NOXRED1: variants seen among roughly 807,000 people sequenced by gnomAD.
NOXRED1 encodes the protein NADP-dependent oxidoreductase domain-containing protein 1.
Under a neutral mutation model 30.4 loss-of-function variants are expected in NOXRED1, and 20 were observed. The observed-to-expected ratio is 0.66, with a 90% CI of 0.46 to 0.96. The LOEUF (loss-of-function observed/expected upper bound fraction) is 0.96, where lower values mean the gene tolerates loss of function less well. Ranked by LOEUF, NOXRED1 falls within the 40% of genes least tolerant of loss-of-function variation. NOXRED1 has a pLI of 0.00. For synonymous variants in NOXRED1, 155 were observed against 168.0 expected, an observed-to-expected ratio of 0.92 and a Z score of 0.60; for missense variants, 374 against 428.0, an observed-to-expected ratio of 0.87 and a Z score of 1.11.
At chr14:77,417,500 A>T (rs1373486843) in intron 1 of NOXRED1, among the ~76,000 whole-genome samples, 1 of 152,242 alleles carries the variant, frequency 6.6e-6, no homozygotes, top group Admixed American at 6.5e-5. Context: ...TTCCTGGTGA[A>T]TTGGTCTTTT....
Position 77,406,032 on chromosome 14 carries a change from C to G in NOXRED1, c.786G>C (p.Leu262=). The change falls in exon 5 of 6, where the codon CTG becomes CTC. Residue 262 remains leucine, a synonymous_variant. Coordinates refer to ENST00000380835, the MANE Select transcript of NOXRED1 (RefSeq NM_001113475.3). ...NMAHSQVLQL[L]SELFLSVHFE... is the part of the protein sequence containing the mutation. ...AGTGCACGGAGAGAAAGAGTTCACT[C>G]AGAAGCTGCAGCACTTGGGAGTGGG... 1.9e-6 allele frequency: 3 copies of G among 1,613,760 alleles called. No homozygotes were observed. Among genetic ancestry groups the G allele is most frequent in the Non-Finnish European group, 2.5e-6 (3 of 1,179,746 alleles).
At position 77,422,822 on chromosome 14, in the gene NOXRED1, C is replaced by CA. The variant is rs1895035177; in HGVS notation, c.67dup (p.Trp23LeufsTer28). The CA allele has an allele frequency of 6.2e-7, 1 of 1,613,860 alleles. No homozygotes were observed. The highest frequency in any genetic ancestry group is 1.1e-5 in the South Asian group (1 of 91,060). On this transcript the variant is annotated frameshift_variant, in exon 1 of 6. Coordinates refer to ENST00000380835, the MANE Select transcript of NOXRED1 (RefSeq NM_001113475.3). LOFTEE classifies it high-confidence loss of function. ...CCGAGAACGGCCCTGCAAATACAGC[C>CA]AGATACGATCTTCCTCTGGAACCCC...
intron 5 of NOXRED1, among the ~76,000 whole-genome samples, chr14:77,397,588 A>G (rs79551613): frequency 0.05 from 7,590 of 152,202 alleles, 378 homozygotes; most frequent in Admixed American, 0.15. Flanking sequence ...TCTCAAAATA[A>G]AGAAAAAAAT....
At chr14:77,422,249 G>A (rs942317201) in intron 1 of NOXRED1, among the ~76,000 whole-genome samples, 3 of 152,198 alleles carry the variant, frequency 2.0e-5, no homozygotes, top group African/African-American at 7.2e-5. Context: ...AATCAAGACT[G>A]GACTGACAGC....
chr14:77,424,133 T>C (rs1189051117), upstream of NOXRED1, among the ~76,000 whole-genome samples: 1 of 152,248 alleles, frequency 6.6e-6, no homozygotes, highest in Non-Finnish European at 1.5e-5. Context: ...GGAAGGCTGT[T>C]ATATGACGAC....
Position 77,419,168 on chromosome 14 carries a change from G to A in NOXRED1, c.155+3567C>T, listed in dbSNP as rs144207163. Among the ~76,000 whole-genome samples the A allele has an allele frequency of 9.9e-4, 150 of 151,488 alleles. 1 individual carries two copies. In the East Asian group the frequency reaches 0.017, roughly 17 times the overall value. On this transcript the variant is annotated intron_variant, in intron 1 of 5. Transcript: ENST00000380835. ...ATCACTGCAACCTCTGCCTCCCTGGGTTCAAGCAATTCTCCTGCCTCAGCC... is the reference window on the plus strand; with the variant it reads ...ATCACTGCAACCTCTGCCTCCCTGGATTCAAGCAATTCTCCTGCCTCAGCC...
chr14:77,405,842 A>C, intron 5 of NOXRED1, 71 bp downstream of exon 5: 1 of 912,332 alleles, frequency 1.1e-6, no homozygotes, highest in Non-Finnish European at 1.8e-6. Context: ...TGAAAGGATA[A>C]AAGAAAAAAA....
chr14:77,407,389 TGGA>T, intron 3 of NOXRED1, 73 bp downstream of exon 3: 1 of 1,028,288 alleles, frequency 9.7e-7, no homozygotes, highest in South Asian at 1.4e-5. Flanking sequence ...GGGGCTACAG[TGGA>T]GGTGGGAGGC....
Position 77,417,691 on chromosome 14 carries a change from G to A in NOXRED1, c.156-3564C>T, listed in dbSNP as rs78782251. On this transcript the variant is annotated intron_variant, in intron 1 of 5. Transcript: ENST00000380835. ...TCTAAAGTGAGTCTCTTGAAGACAA[G>A]ATATACGTTGGATCTTGTTTTTGTT... is the stretch of plus-strand genomic sequence containing the variant. 6.5e-3 allele frequency among the ~76,000 whole-genome samples: 980 copies of A among 151,912 alleles called. 11 individuals are homozygous for A. The highest frequency in any genetic ancestry group is 0.022 in the African/African-American group (931 of 41,408).
chr14:77,407,665 A>G lies in NOXRED1; in HGVS notation c.350-20T>C. 1 of 1,594,220 alleles carries G rather than the reference A, an allele frequency of 6.3e-7. No homozygotes were observed. The highest frequency in any genetic ancestry group is 2.2e-5 in the East Asian group (1 of 44,790). On this transcript the variant is annotated intron_variant, in intron 2 of 5. Transcript: ENST00000380835. ...GCTCACCTGGGAGGGATAAAGGAAG[A>G]CAGGAAGAGCACAGTACTAAAGAGT...
chr14:77,408,901 T>TTTTTTTTTTTTTTTTTTTTTTTTG (rs1312425897), intron 2 of NOXRED1, among the ~76,000 whole-genome samples: 1 of 129,806 alleles, frequency 7.7e-6, no homozygotes, highest in Non-Finnish European at 1.7e-5. Flanking sequence ...AATTTTTTTT[T>TTTTTTTTTTTTTTTTTTTTTTTTG]TTTTTTTTTT....
chr14:77,412,098 G>A (rs1181864807), intron 2 of NOXRED1, among the ~76,000 whole-genome samples: 24 of 92,086 alleles, frequency 2.6e-4, no homozygotes, highest in Non-Finnish European at 3.8e-4. Context: ...GCAAGACTCA[G>A]TCTAAAAAAA....
chr14:77,407,317 T>C (rs1428488888), intron 3 of NOXRED1, 148 bp downstream of exon 3: 5 of 664,498 alleles, frequency 7.5e-6, no homozygotes, highest in African/African-American at 3.6e-5. Flanking sequence ...TGGCTAACTA[T>C]GTTCTTCTAC....
At chr14:77,403,265 G>A (rs1894373649) in intron 5 of NOXRED1, among the ~76,000 whole-genome samples, 1 of 151,844 alleles carries the variant, frequency 6.6e-6, no homozygotes, top group African/African-American at 2.4e-5. Context: ...TTTTTATTAT[G>A]GAAATTTTAA....
intron 5 of NOXRED1, among the ~76,000 whole-genome samples, chr14:77,400,850 A>C (rs191778743): frequency 4.5e-4 from 69 of 152,330 alleles, no homozygotes; most frequent in South Asian, 2.3e-3. Context: ...CCCAAAATGA[A>C]ATACTTAGGT....
At chr14:77,422,637 A>T in intron 1 of NOXRED1, 98 bp downstream of exon 1, 1 of 1,182,684 alleles carries the variant, frequency 8.5e-7, no homozygotes, top group Non-Finnish European at 1.3e-6. Flanking sequence ...ACAATCCACC[A>T]GCCAAACTTA....
At chr14:77,417,539 G>A (rs1349033956) in intron 1 of NOXRED1, among the ~76,000 whole-genome samples, 1 of 152,170 alleles carries the variant, frequency 6.6e-6, no homozygotes, top group Non-Finnish European at 1.5e-5. Context: ...TGTCTCTCAT[G>A]ACAGTTTTTG....
Position 77,407,652 on chromosome 14 carries a change from G to C in NOXRED1, c.350-7C>G. 1 of 1,611,144 alleles carries C rather than the reference G, an allele frequency of 6.2e-7. No individual in the cohort carries two copies. The highest frequency in any genetic ancestry group is 8.5e-7 in the Non-Finnish European group (1 of 1,177,286). ...CCCAGCTTCTGGAGCTCACCTGGGA[G>C]GGATAAAGGAAGACAGGAAGAGCAC... is the stretch of plus-strand genomic sequence containing the variant. On this transcript the variant is annotated splice_region_variant and splice_polypyrimidine_tract_variant and intron_variant, in intron 2 of 5. Coordinates refer to ENST00000380835, the MANE Select transcript of NOXRED1 (RefSeq NM_001113475.3).
intron 5 of NOXRED1, among the ~76,000 whole-genome samples, chr14:77,402,059 A>G (rs1894340251): frequency 1.3e-5 from 2 of 152,256 alleles, no homozygotes; most frequent in African/African-American, 4.8e-5. Context: ...CACATGCAGA[A>G]CTATAAAACT....
Sources: gnomAD v4.1 joint callset for allele counts (sites outside exome capture counted in the v4.1 genomes callset) on GRCh38, gnomAD v4.1.1 for gene constraint, MANE v1.5 for transcripts, NCBI Gene and HGNC (gene_info 2026-07-23, HGNC 2026-07-21) for gene names.